NAALADL2: variants seen among roughly 807,000 people sequenced by gnomAD.
NAALADL2 encodes N-acetylated alpha-linked acidic dipeptidase like 2, also known as inactive N-acetylated-alpha-linked acidic dipeptidase-like protein 2.
A neutral mutation model predicts 87.2 loss-of-function variants in NAALADL2; 76 were observed. The observed-to-expected ratio is 0.87, with a 90% CI of 0.72 to 1.05. NAALADL2 has a LOEUF of 1.05. Among genes scored for constraint, NAALADL2 ranks in the 50% least tolerant of loss-of-function variants. The probability of loss-of-function intolerance (pLI) is 0.00; values close to 1 mark genes in which losing one functional copy is unlikely to be tolerated. For synonymous variants in NAALADL2, 354 were observed against 331.0 expected (o/e 1.07, Z -0.75); for missense variants, 1,089 against 945.8 (o/e 1.15, Z -1.99).
intron 1 of NAALADL2, among the ~76,000 whole-genome samples, chr3:175,074,612 T>C (rs1192675997): frequency 6.6e-6 from 1 of 152,044 alleles, no homozygotes; most frequent in Non-Finnish European, 1.5e-5. Flanking sequence ...TATTAGGGAG[T>C]TACTGTTAAT....
At chr3:174,493,047 T>G (rs542177920) in intron 1 of NAALADL2, among the ~76,000 whole-genome samples, 177 of 152,304 alleles carry the variant, frequency 1.2e-3, no homozygotes, top group Non-Finnish European at 2.3e-3. Flanking sequence ...TAGAAAATAT[T>G]CTGAAAAATC....
At chr3:174,483,210 C>T (rs748243508) in intron 1 of NAALADL2, among the ~76,000 whole-genome samples, 3 of 151,948 alleles carry the variant, frequency 2.0e-5, no homozygotes, top group Non-Finnish European at 2.9e-5. Context: ...TGAAGAAATA[C>T]CCAACACGGG....
chr3:175,354,979 T>C (rs1193619245), intron 5 of NAALADL2, among the ~76,000 whole-genome samples: 6 of 149,792 alleles, frequency 4.0e-5, no homozygotes, highest in Admixed American at 3.3e-4. Flanking sequence ...TTTAAATATA[T>C]AATTTTTCCA....
intron 2 of NAALADL2, among the ~76,000 whole-genome samples, chr3:175,131,804 C>CGG (rs1727952157): frequency 1.7e-5 from 2 of 117,998 alleles, no homozygotes; most frequent in African/African-American, 6.7e-5. Flanking sequence ...GGACGGGGGG[C>CGG]CTGGCCGGGC....
At chr3:174,522,740 C>T (rs974712865) in intron 1 of NAALADL2, among the ~76,000 whole-genome samples, 5 of 151,802 alleles carry the variant, frequency 3.3e-5, no homozygotes, top group African/African-American at 9.7e-5. Context: ...CGAGACCATC[C>T]TGGCTAACAC....
In NAALADL2 at chr3:175,243,562, C is replaced by G. The variant is rs1351568693; in HGVS notation, c.819+9358C>G. ...TTTTTTTTTTTTTTTTTTTTTTAAC[C>G]CAAGAACCATTTTACTAGCATACAG... On this transcript the variant is annotated intron_variant, in intron 3 of 13. Coordinates refer to ENST00000454872, the MANE Select transcript of NAALADL2 (RefSeq NM_207015.3). 3.3e-5 allele frequency among the ~76,000 whole-genome samples: 3 copies of G among 90,780 alleles called. No individual in the cohort carries two copies. In the East Asian group the frequency reaches 1.2e-3, roughly 35 times the overall value. The allele number at this position is 90,780 out of a possible 152,430, so 59.6% of individuals were successfully genotyped here.
chr3:174,636,089 A>G (rs1722618303), intron 2 of NAALADL2, among the ~76,000 whole-genome samples: 3 of 152,150 alleles, frequency 2.0e-5, no homozygotes, highest in Non-Finnish European at 4.4e-5. Flanking sequence ...CAAAATACTC[A>G]AGTGACACCC....
intron 2 of NAALADL2, among the ~76,000 whole-genome samples, chr3:174,582,864 G>A (rs535079754): frequency 1.2e-3 from 189 of 152,006 alleles, no homozygotes; most frequent in African/African-American, 4.1e-3. Flanking sequence ...AATTATAGGC[G>A]TGAGCCACTG....
chr3:175,773,425 TG>T (rs1749773555), intron 13 of NAALADL2: 1 of 152,158 alleles, frequency 6.6e-6, no homozygotes, highest in Non-Finnish European at 1.5e-5. Flanking sequence ...TGCTGGTGAT[TG>T]CTTCAGTTAT....
chr3:174,826,051 A>G (rs1721956480), intron 3 of NAALADL2, among the ~76,000 whole-genome samples: 1 of 145,806 alleles, frequency 6.9e-6, no homozygotes, highest in Non-Finnish European at 1.5e-5. Flanking sequence ...AACAACAACA[A>G]CGACAACAAC....
intron 1 of NAALADL2, among the ~76,000 whole-genome samples, chr3:174,865,277 G>C (rs1355705755): frequency 6.6e-6 from 1 of 152,022 alleles, no homozygotes; most frequent in African/African-American, 2.4e-5. Flanking sequence ...ATTTAATGCA[G>C]TTTATAATGA....
At chr3:175,281,905 T>C (rs1284211642) in intron 4 of NAALADL2, among the ~76,000 whole-genome samples, 1 of 152,020 alleles carries the variant, frequency 6.6e-6, no homozygotes, top group Non-Finnish European at 1.5e-5. Flanking sequence ...GATTCACTTC[T>C]TAAGACTTCC....
intron 2 of NAALADL2, among the ~76,000 whole-genome samples, chr3:174,558,154 C>T (rs1352646500): frequency 6.6e-6 from 1 of 152,148 alleles, no homozygotes; most frequent in Non-Finnish European, 1.5e-5. Context: ...CTTCTGATAT[C>T]CAAGTTTCCA....
intron 1 of NAALADL2, among the ~76,000 whole-genome samples, chr3:174,544,952 T>C (rs1302526455): frequency 1.3e-5 from 2 of 152,128 alleles, no homozygotes; most frequent in Admixed American, 6.5e-5. Context: ...CATGGCCCAC[T>C]GCAGCCTTGA....
At position 174,807,223 on chromosome 3, in the gene NAALADL2, T is replaced by C. The variant is rs7627705; in HGVS notation, c.-9+69477T>C. Among the ~76,000 whole-genome samples, 176 of 152,202 alleles carry C rather than the reference T, an allele frequency of 1.2e-3. 1 individual carries two copies. Among genetic ancestry groups the C allele is most frequent in the African/African-American group, 3.9e-3 (164 of 41,560 alleles). ...TTACCACCCAACTTTTTTTTCTTCA[T>C]GAATATCATAATAGCCAGCCTTTGA... On this transcript the variant is annotated intron_variant, in intron 3 of 3. Coordinates refer to the NAALADL2 transcript ENST00000434257.
chr3:175,175,288 C>T (rs1735544643), intron 2 of NAALADL2, among the ~76,000 whole-genome samples: 2 of 152,022 alleles, frequency 1.3e-5, no homozygotes, highest in South Asian at 4.1e-4. Context: ...ATTTTATTAG[C>T]CATAGTTTTA....
intron 1 of NAALADL2, among the ~76,000 whole-genome samples, chr3:175,072,693 T>G (rs1243359318): frequency 9.1e-5 from 7 of 76,802 alleles, no homozygotes; most frequent in South Asian, 5.8e-4. Context: ...AAAAACGGGG[T>G]GGGGGGAGGG....
At chr3:174,903,102 T>C (rs1376823989) in intron 1 of NAALADL2, among the ~76,000 whole-genome samples, 2 of 152,080 alleles carry the variant, frequency 1.3e-5, no homozygotes, top group East Asian at 1.9e-4. Flanking sequence ...AAGGTAACTG[T>C]TGTTTTAATA....
intron 3 of NAALADL2, among the ~76,000 whole-genome samples, chr3:174,771,644 T>C (rs778031541): frequency 6.6e-6 from 1 of 152,162 alleles, no homozygotes; most frequent in South Asian, 2.1e-4. Flanking sequence ...ATGTTTAGAT[T>C]CCATTCTACA....
Sources: allele counts gnomAD v4.1 joint callset (sites outside exome capture counted in the v4.1 genomes callset), GRCh38; gene constraint gnomAD v4.1.1; transcripts MANE v1.5; gene names NCBI Gene and HGNC (gene_info 2026-07-23, HGNC 2026-07-21).